The following VGLL4 variants were observed in gnomAD, a reference collection of about 807,000 sequenced individuals.
VGLL4 encodes transcription cofactor vestigial-like protein 4.
Under a neutral mutation model 21.0 loss-of-function variants are expected in VGLL4, and 7 were observed. That is an observed-to-expected ratio of 0.33 (90% CI 0.19 to 0.63). The LOEUF (loss-of-function observed/expected upper bound fraction) is 0.63, where lower values mean the gene tolerates loss of function less well. Among genes scored for constraint, VGLL4 ranks in the 20% least tolerant of loss-of-function variants. The probability of loss-of-function intolerance (pLI) is 0.78; values close to 1 mark genes in which losing one functional copy is unlikely to be tolerated. For missense variants in VGLL4, 394 were observed against 425.7 expected (o/e 0.93, Z 0.66); for synonymous variants, 222 against 173.2 (o/e 1.28, Z -2.21).
chr3:11,680,833 C>A (rs9827311), intron 2 of VGLL4, among the ~76,000 whole-genome samples: 80,341 of 152,030 alleles, frequency 0.53, 22,335 homozygotes, highest in Non-Finnish European at 0.63. Context: ...GCAGAGATGA[C>A]GCTTCTCACC....
At chr3:11,714,035 C>T (rs2076885756) in intron 1 of VGLL4, among the ~76,000 whole-genome samples, 1 of 152,170 alleles carries the variant, frequency 6.6e-6, no homozygotes, top group Admixed American at 6.5e-5. Flanking sequence ...TGCCACCACA[C>T]AGTGACAAAA....
chr3:11,666,682 TTAC>T, intron 2 of VGLL4, among the ~76,000 whole-genome samples: 1 of 152,110 alleles, frequency 6.6e-6, no homozygotes. Context: ...CTGGACATAA[TTAC>T]TACTCACACT....
intron 1 of VGLL4, among the ~76,000 whole-genome samples, chr3:11,630,892 G>C (rs567501274): frequency 6.6e-6 from 1 of 151,998 alleles, no homozygotes; most frequent in South Asian, 2.1e-4. Context: ...CTCTTAAAAT[G>C]GTTAAAATAA....
At chr3:11,609,873 T>C (rs1363094183) in intron 1 of VGLL4, among the ~76,000 whole-genome samples, 1 of 152,244 alleles carries the variant, frequency 6.6e-6, no homozygotes, top group Non-Finnish European at 1.5e-5. Context: ...GAGGGTAAAC[T>C]ACAGTCAAAT....
intron 1 of VGLL4, chr3:11,612,091 A>G (rs1434191079): frequency 6.6e-6 from 1 of 152,196 alleles, no homozygotes; most frequent in African/African-American, 2.4e-5. Flanking sequence ...TATAATTCTC[A>G]ACATCTATTG....
intron 2 of VGLL4, among the ~76,000 whole-genome samples, chr3:11,675,873 T>C (rs1167947949): frequency 1.3e-5 from 2 of 152,222 alleles, no homozygotes; most frequent in Non-Finnish European, 2.9e-5. Flanking sequence ...ACAGATGTTC[T>C]GACTTGATTT....
At chr3:11,715,585 C>T (rs932726879) in intron 1 of VGLL4, among the ~76,000 whole-genome samples, 4 of 152,226 alleles carry the variant, frequency 2.6e-5, no homozygotes, top group South Asian at 2.1e-4. Context: ...CCACCTGCCT[C>T]GGCCTCCCAA....
intron 1 of VGLL4, among the ~76,000 whole-genome samples, chr3:11,636,199 T>C (rs1431126803): frequency 6.6e-6 from 1 of 152,226 alleles, no homozygotes; most frequent in Non-Finnish European, 1.5e-5. Context: ...TTAACTGTTA[T>C]CAGGGAAGAA....
chr3:11,620,175 G>A (rs2075238062), intron 1 of VGLL4, among the ~76,000 whole-genome samples: 1 of 152,158 alleles, frequency 6.6e-6, no homozygotes, highest in African/African-American at 2.4e-5. Context: ...TTCATTTTCA[G>A]GAGGAAATGG....
intron 2 of VGLL4, among the ~76,000 whole-genome samples, chr3:11,677,854 G>C (rs1417914318): frequency 6.8e-6 from 1 of 146,432 alleles, no homozygotes. Context: ...GCAGTGAGCT[G>C]AGATCGTGCC....
chr3:11,590,797 G>C (rs1418061261), intron 2 of VGLL4, among the ~76,000 whole-genome samples: 2 of 151,994 alleles, frequency 1.3e-5, no homozygotes, highest in African/African-American at 4.8e-5. Flanking sequence ...TGTGGAGCTT[G>C]TAAACCACCT....
chr3:11,593,548 A>C (rs941982374), intron 2 of VGLL4, among the ~76,000 whole-genome samples: 6 of 151,752 alleles, frequency 4.0e-5, no homozygotes, highest in Non-Finnish European at 8.8e-5. Flanking sequence ...TATGGTGAGA[A>C]AAGTGAAGTG....
intron 2 of VGLL4, among the ~76,000 whole-genome samples, chr3:11,651,712 A>C (rs2075875101): frequency 6.6e-6 from 1 of 152,176 alleles, no homozygotes; most frequent in Non-Finnish European, 1.5e-5. Flanking sequence ...AAATGCCTTA[A>C]ATATCAATGA....
rs1419401448 is a variant in VGLL4 at position 11,565,555 on chromosome 3, C to T, written c.273-536G>A. On this transcript the variant is annotated intron_variant, in intron 2 of 4. Coordinates refer to ENST00000430365, the MANE Select transcript of VGLL4 (RefSeq NM_001128219.3). This position sits in a 1 kb window ranked among gnomAD's most constrained non-coding sequence, Gnocchi z 4.1. ...CCCTTTCCAGACCAGAACCCCAAGACTCAAGAGTGGTGGAATAATCAGCTC... is the reference window on the plus strand; with the variant it reads ...CCCTTTCCAGACCAGAACCCCAAGATTCAAGAGTGGTGGAATAATCAGCTC... 6.6e-6 allele frequency among the ~76,000 whole-genome samples: 1 copy of T among 152,228 alleles called. No individual in the cohort carries two copies. The highest frequency in any genetic ancestry group is 1.5e-5 in the Non-Finnish European group (1 of 68,046).
intron 2 of VGLL4, among the ~76,000 whole-genome samples, chr3:11,595,753 G>C (rs1434514499): frequency 6.6e-6 from 1 of 151,140 alleles, no homozygotes; most frequent in Non-Finnish European, 1.5e-5. Context: ...ACCAAACACC[G>C]CATGTTCTCA....
intron 1 of VGLL4, among the ~76,000 whole-genome samples, chr3:11,703,931 C>T (rs532692281): frequency 4.6e-5 from 7 of 152,236 alleles, no homozygotes; most frequent in Admixed American, 2.0e-4. Context: ...TTGTAATATT[C>T]ATACCTCAGG....
chr3:11,600,776 G>A (rs2074774678), intron 2 of VGLL4, among the ~76,000 whole-genome samples: 3 of 152,152 alleles, frequency 2.0e-5, no homozygotes, highest in Admixed American at 1.3e-4. Context: ...AGGTATTCCT[G>A]TGGGGAAAAA....
chr3:11,632,948 G>C (rs1037741073), intron 1 of VGLL4, among the ~76,000 whole-genome samples: 10 of 152,188 alleles, frequency 6.6e-5, no homozygotes, highest in African/African-American at 2.4e-4. Context: ...AAAGCAAGAC[G>C]AACAAGGGCA....
upstream of VGLL4, among the ~76,000 whole-genome samples, chr3:11,644,397 C>T (rs1243705449): frequency 3.3e-5 from 5 of 152,064 alleles, no homozygotes; most frequent in Admixed American, 3.3e-4. Flanking sequence ...ATAGCTTCTT[C>T]CATAATCCCC....
Sources: gnomAD v4.1 joint callset for allele counts (sites outside exome capture counted in the v4.1 genomes callset) on GRCh38, gnomAD v4.1.1 for gene constraint, Gnocchi (gnomAD v3.1) non-coding constraint, MANE v1.5 for transcripts, NCBI Gene and HGNC (gene_info 2026-07-23, HGNC 2026-07-21) for gene names.